GRAMD4: variants seen among roughly 807,000 people sequenced by gnomAD.
GRAMD4 encodes the protein GRAM domain containing 4, also known as GRAM domain-containing protein 4.
GRAMD4 carries 25 observed loss-of-function variants against 83.9 expected under a neutral mutation model. The ratio of observed to expected loss-of-function variants is 0.30; its 90% confidence interval spans 0.22 to 0.42. The LOEUF (loss-of-function observed/expected upper bound fraction) is 0.42. GRAMD4 is among the 10% of genes least tolerant of loss of function. The pLI is 1.00. For missense variants in GRAMD4, 593 were observed against 788.7 expected (o/e 0.75, Z 2.97); for synonymous variants, 336 against 320.9 (o/e 1.05, Z -0.50).
intron 11 of GRAMD4, 98 bp from the exon 12 acceptor site, chr22:46,668,591 C>T (rs1259422821): frequency 8.9e-7 from 1 of 1,123,180 alleles, no homozygotes; most frequent in Non-Finnish European, 1.3e-6. Context: ...CTCCGAGTGA[C>T]CTCAGGGCTG....
chr22:46,591,722 A>C (rs2147008332), intron 1 of GRAMD4, among the ~76,000 whole-genome samples: 1 of 149,780 alleles, frequency 6.7e-6, no homozygotes, highest in African/African-American at 2.5e-5. Context: ...AATCCCAGCT[A>C]CTCTGGAGGT....
rs2082627729 is a variant in GRAMD4 at position 46,678,276 on chromosome 22, G to A, written c.*1025G>A. 1.0e-6 allele frequency: 1 copy of A among 985,362 alleles called. No individual in the cohort carries two copies. The highest frequency in any genetic ancestry group is 1.2e-6 in the Non-Finnish European group (1 of 829,970). The allele number at this position is 985,362 out of a possible 1,614,324, so 61.0% of individuals were successfully genotyped here. On this transcript the variant is annotated 3_prime_UTR_variant, in exon 19 of 19. Coordinates refer to ENST00000406902, the MANE Select transcript of GRAMD4 (RefSeq NM_015124.5). ...CATCCGAGAGGCTCTGGCAGCCCCT[G>A]TGCTTTAGGGAGCAACCGTGAGCCG...
rs889881881 is a variant in GRAMD4 at position 46,678,681 on chromosome 22, G to T, written c.*1430G>T. The T allele has an allele frequency of 2.0e-6, 2 of 985,636 alleles. No individual in the cohort carries two copies. The highest frequency in any genetic ancestry group is 2.4e-6 in the Non-Finnish European group (2 of 829,916). 61.1% of individuals were successfully genotyped at this position (985,636 alleles called of 1,614,324 possible). A position where few individuals can be genotyped will look rare whatever the true frequency, so the allele number is the denominator to read the frequency against. ...TCTATTTTTTACAGCGAGCAAGCTG[G>T]TTTTCTTATTTTTGTATCCTTTTTC... On this transcript the variant is annotated 3_prime_UTR_variant, in exon 19 of 19. Transcript: ENST00000406902.
At chr22:46,629,290 C>T (rs1361595000) in intron 2 of GRAMD4, among the ~76,000 whole-genome samples, 1 of 152,126 alleles carries the variant, frequency 6.6e-6, no homozygotes, top group African/African-American at 2.4e-5. Context: ...GCAGTCTCGT[C>T]CACCCCCAGG....
chr22:46,656,417 C>T (rs908147843), intron 3 of GRAMD4, among the ~76,000 whole-genome samples: 5 of 152,210 alleles, frequency 3.3e-5, no homozygotes, highest in South Asian at 2.1e-4. Flanking sequence ...CTAGTCCACC[C>T]GCGGCTGCTC....
rs140869797 is a variant in GRAMD4 at position 46,587,921 on chromosome 22, T to C, written c.-50+10631T>C. On this transcript the variant is annotated intron_variant, in intron 1 of 1. Coordinates refer to the GRAMD4 transcript ENST00000431155. ...TACAGGGCTCCTGATCCTCCCCGTC[T>C]GGGCAGACGCACTCACATCACAGGT... 952 of 985,316 alleles carry C rather than the reference T, an allele frequency of 9.7e-4. 6 individuals are homozygous for C. The African/African-American group carries it at 0.016, about 16-fold the overall frequency. 61.0% of individuals were successfully genotyped at this position (985,316 alleles called of 1,614,324 possible).
At chr22:46,648,746 G>A (rs549485916) in intron 3 of GRAMD4, among the ~76,000 whole-genome samples, 9 of 138,202 alleles carry the variant, frequency 6.5e-5, no homozygotes, top group Non-Finnish European at 1.1e-4. Flanking sequence ...ATGGATGGAT[G>A]CATGGATGGA....
upstream of GRAMD4, among the ~76,000 whole-genome samples, chr22:46,615,701 TAGGTTCCCCTGTGC>T: frequency 1.3e-5 from 1 of 77,420 alleles, no homozygotes; most frequent in Non-Finnish European, 2.7e-5. Context: ...CCCCTGTGCG[TAGGTTCCCCTGTGC>T]GTGTAGGTTC....
At chr22:46,644,046 A>G (rs938612894) in intron 3 of GRAMD4, among the ~76,000 whole-genome samples, 1 of 152,322 alleles carries the variant, frequency 6.6e-6, no homozygotes, top group East Asian at 1.9e-4. Context: ...TTTTATAAAC[A>G]TGAGCATCTA....
At position 46,664,311 on chromosome 22, in the gene GRAMD4, G is replaced by A. The variant is rs187248793; in HGVS notation, c.717+194G>A. Among the ~76,000 whole-genome samples, 247 of 152,348 alleles carry A rather than the reference G, an allele frequency of 1.6e-3. 1 individual carries two copies. Among genetic ancestry groups the A allele is most frequent in the African/African-American group, 5.5e-3 (229 of 41,578 alleles). On this transcript the variant is annotated intron_variant, in intron 8 of 18. Coordinates refer to ENST00000406902, the MANE Select transcript of GRAMD4 (RefSeq NM_015124.5). ...TGCCCAGCCATGGGGTGGCTTCAAGGATCAAAGATGTTGGGCGTGGCCCGG... is the reference window on the plus strand; with the variant it reads ...TGCCCAGCCATGGGGTGGCTTCAAGAATCAAAGATGTTGGGCGTGGCCCGG...
intron 1 of GRAMD4, among the ~76,000 whole-genome samples, chr22:46,592,255 G>T (rs1441851094): frequency 6.6e-6 from 1 of 152,188 alleles, no homozygotes; most frequent in Non-Finnish European, 1.5e-5. Context: ...ATAAATAAGT[G>T]TGGTTCTTTT....
intron 3 of GRAMD4, among the ~76,000 whole-genome samples, chr22:46,640,376 A>G (rs1400133560): frequency 6.6e-6 from 1 of 152,024 alleles, no homozygotes; most frequent in Non-Finnish European, 1.5e-5. Flanking sequence ...GGATGGAGGG[A>G]CGCCTGTCCA....
At chr22:46,638,226 G>A (rs1022756903) in intron 3 of GRAMD4, among the ~76,000 whole-genome samples, 9 of 152,262 alleles carry the variant, frequency 5.9e-5, no homozygotes, top group Admixed American at 1.3e-4. Flanking sequence ...GGGGCGTGGG[G>A]GCCTTTCCCC....
At position 46,637,873 on chromosome 22, in the gene GRAMD4, G is replaced by A. The variant is rs747530811; in HGVS notation, c.196G>A (p.Val66Ile). Residue 66 changes from valine (V) to isoleucine (I), a missense_variant, in exon 3 of 19, where the codon GTC becomes ATC. Transcript: ENST00000406902. Reference protein sequence around the residue: ...GPGTLIMATGVQDFNRTEFDR... With the variant: ...GPGTLIMATGIQDFNRTEFDR... ...AGGGACCCTCATCATGGCCACAGGAGTCCAGGACTTTAACCGGACAGAGTT... is the reference window on the plus strand; with the variant it reads ...AGGGACCCTCATCATGGCCACAGGAATCCAGGACTTTAACCGGACAGAGTT... 2 of 1,614,110 alleles carry A rather than the reference G, an allele frequency of 1.2e-6. No homozygotes were observed. Among genetic ancestry groups the A allele is most frequent in the Non-Finnish European group, 1.7e-6 (2 of 1,179,936 alleles).
In GRAMD4 at chr22:46,668,928, G is replaced by A; in HGVS notation, c.1084+20G>A. The A allele has an allele frequency of 1.4e-6, 2 of 1,388,478 alleles. No individual in the cohort carries two copies. Among genetic ancestry groups the A allele is most frequent in the Admixed American group, 3.3e-5 (2 of 59,764 alleles). 86.0% of individuals were successfully genotyped at this position (1,388,478 alleles called of 1,614,324 possible). ...CCGTGGGTAAGTAGATGCACCTGCG[G>A]CCTGTAGCTTCAGGAGGAGGGACAC... On this transcript the variant is annotated intron_variant, in intron 13 of 18. Transcript: ENST00000406902.
chr22:46,664,137 G>T lies in GRAMD4; in HGVS notation c.717+20G>T. 6.4e-7 allele frequency: 1 copy of T among 1,554,292 alleles called. No individual in the cohort carries two copies. The highest frequency in any genetic ancestry group is 8.9e-7 in the Non-Finnish European group (1 of 1,126,074). On this transcript the variant is annotated intron_variant, in intron 8 of 18. Transcript: ENST00000406902. ...TTCACCGTGAGTGGGTCCTCCAGGG[G>T]CCGAGCAGGGTGGGTGGGATGTGCC...
At chr22:46,662,507 C>A (rs185397362) in intron 5 of GRAMD4, among the ~76,000 whole-genome samples, 7 of 152,250 alleles carry the variant, frequency 4.6e-5, no homozygotes, top group Admixed American at 1.3e-4. Flanking sequence ...GTCATCAGCA[C>A]GACAACACCG....
chr22:46,608,010 G>A (rs919895969), intron 1 of GRAMD4, among the ~76,000 whole-genome samples: 6 of 152,214 alleles, frequency 3.9e-5, no homozygotes, highest in African/African-American at 1.4e-4. Flanking sequence ...GGGTTTGTTG[G>A]CCTCGCCTCC....
chr22:46,680,430 C>T (rs1420008786), downstream of GRAMD4, among the ~76,000 whole-genome samples: 3 of 151,908 alleles, frequency 2.0e-5, no homozygotes, highest in Admixed American at 1.3e-4. Context: ...TGGAGCCAGG[C>T]GGAAACTAGG....
Sources: gnomAD v4.1 joint callset for allele counts (sites outside exome capture counted in the v4.1 genomes callset) on GRCh38, gnomAD v4.1.1 for gene constraint, MANE v1.5 for transcripts, NCBI Gene and HGNC (gene_info 2026-07-23, HGNC 2026-07-21) for gene names.